The following FCRLB variants were observed in gnomAD, a reference collection of about 807,000 sequenced individuals.
The protein encoded by FCRLB is Fc receptor like B, also known as Fc receptor-like B.
FCRLB carries 34 observed loss-of-function variants against 33.6 expected under a neutral mutation model. That is an observed-to-expected ratio of 1.01 (90% CI 0.77 to 1.35). FCRLB has a LOEUF of 1.35. FCRLB is among the 40% of genes most tolerant of loss of function. FCRLB has a pLI of 0.00. For missense variants in FCRLB, 560 were observed against 580.2 expected (o/e 0.97, Z 0.36); for synonymous variants, 280 against 255.9 (o/e 1.09, Z -0.90).
Position 161,724,987 on chromosome 1 carries a change from T to C in FCRLB, c.308-834T>C, listed in dbSNP as rs561231572. 6.7e-4 allele frequency among the ~76,000 whole-genome samples: 102 copies of C among 152,198 alleles called. 4 individuals are homozygous for C. The South Asian group carries it at 0.021, about 31-fold the overall frequency. On this transcript the variant is annotated intron_variant, in intron 5 of 7. Coordinates refer to ENST00000367948, the Ensembl canonical transcript of FCRLB. The stretch of plus-strand genomic sequence containing the variant: ...TCTTCTTGGCTGAGGAAATAGCAGG[T>C]ACAAAAGCCTCGGGCTCAGAGCAGG...
At chr1:161,727,751 C>T in exon 8 of FCRLB, 1 of 1,438,062 alleles carries the variant, frequency 7.0e-7, no homozygotes, top group Non-Finnish European at 9.2e-7. Context: ...CATCTGTTTG[C>T]ATCCTTGTGT....
At chr1:161,727,157 ATCCCCGCCC>A in intron 7 of FCRLB, 81 bp from the exon 8 acceptor site, 1 of 1,002,422 alleles carries the variant, frequency 1.0e-6, no homozygotes, top group Non-Finnish European at 1.3e-6. Context: ...GGCCTTCCCC[ATCCCCGCCC>A]ACCGCCCTAC....
chr1:161,727,517 A>G, exon 8 of FCRLB: 1 of 1,614,078 alleles, frequency 6.2e-7, no homozygotes, highest in African/African-American at 1.3e-5. Context: ...CGAGAAATGC[A>G]GCTGCTCAAA....
intron 3 of FCRLB, 48 bp from the exon 4 acceptor site, chr1:161,722,941 C>A: frequency 6.2e-7 from 1 of 1,611,442 alleles, no homozygotes; most frequent in Non-Finnish European, 8.5e-7. Context: ...CTCCTCTCAT[C>A]GCCAATATTC....
intron 7 of FCRLB, 38 bp from the exon 8 acceptor site, chr1:161,727,209 A>C (rs201634746): frequency 1.3e-5 from 20 of 1,535,218 alleles, no homozygotes; most frequent in South Asian, 9.8e-5. Flanking sequence ...GAGAAGAACC[A>C]TGCAAGCCGC....
In FCRLB at chr1:161,726,538, C is replaced by T. The variant is rs1324222456; in HGVS notation, c.575-165C>T. Reference sequence around the variant, plus strand: ...GTCCCTCGTGGACTCGGTCCCCCTGCCCCACATTTCAGAAGGCTCCCCTTC... The same window carrying T: ...GTCCCTCGTGGACTCGGTCCCCCTGTCCCACATTTCAGAAGGCTCCCCTTC... On this transcript the variant is annotated intron_variant, in intron 6 of 7. Transcript: ENST00000367948. The surrounding 1 kb of genome is among the most constrained non-coding windows in gnomAD (Gnocchi z 5.2). 2.0e-6 allele frequency: 2 copies of T among 1,002,290 alleles called. No homozygotes were observed. Among genetic ancestry groups the T allele is most frequent in the Non-Finnish European group, 3.0e-6 (2 of 659,862 alleles). 62.1% of individuals were successfully genotyped at this position (1,002,290 alleles called of 1,614,324 possible).
rs777140295 is a variant in FCRLB at position 161,726,785 on chromosome 1, C to T, written c.657C>T (p.Cys219=). The stretch of plus-strand genomic sequence containing the variant: ...CGCTGGGTGGGGTGGTGCTGCGCTG[C>T]GACACGCGCCTGCACCCGCAGAAGC... The change falls in exon 7 of 8, where the codon TGC becomes TGT. Residue 219 remains cysteine (C), a synonymous_variant. Transcript: ENST00000367948. The surrounding 1 kb of genome is among the most constrained non-coding windows in gnomAD (Gnocchi z 5.2). The T allele has an allele frequency of 6.4e-7, 1 of 1,569,150 alleles. No individual in the cohort carries two copies.
intron 2 of FCRLB, 65 bp from the exon 3 acceptor site, chr1:161,722,588 T>A (rs1683405201): frequency 1.3e-6 from 2 of 1,487,880 alleles, no homozygotes; most frequent in Non-Finnish European, 1.9e-6. Flanking sequence ...CTCAGTGGCA[T>A]CCACTGGCCA....
intron 2 of FCRLB, among the ~76,000 whole-genome samples, chr1:161,722,238 A>G (rs1406043460): frequency 6.6e-6 from 1 of 152,176 alleles, no homozygotes; most frequent in Non-Finnish European, 1.5e-5. Context: ...CCTTAAGGAC[A>G]TGAGGCCGTG....
Position 161,726,266 on chromosome 1 carries a change from G to C in FCRLB, c.574+179G>C. On this transcript the variant is annotated intron_variant, in intron 6 of 7. Coordinates refer to ENST00000367948, the Ensembl canonical transcript of FCRLB. The surrounding 1 kb of genome is among the most constrained non-coding windows in gnomAD (Gnocchi z 5.2). ...TGAAGCAGCGCTTGATCCGCCGCCT[G>C]CTTGGAGGCTGGTCCCTTTCCCCGA... The C allele has an allele frequency of 9.1e-7, 1 of 1,095,954 alleles. No individual in the cohort carries two copies. The highest frequency in any genetic ancestry group is 1.3e-6 in the Non-Finnish European group (1 of 744,382). The allele number at this position is 1,095,954 out of a possible 1,614,324, so 67.9% of individuals were successfully genotyped here. A position where few individuals can be genotyped will look rare whatever the true frequency, so the allele number is the denominator to read the frequency against.
chr1:161,723,136 C>A, intron 4 of FCRLB, 127 bp downstream of exon 4: 2 of 1,286,742 alleles, frequency 1.6e-6, no homozygotes, highest in African/African-American at 1.5e-5. Context: ...CTCTCGTCAA[C>A]CCCTGGGACT....
intron 3 of FCRLB, 48 bp downstream of exon 3, chr1:161,722,751 G>A (rs768490919): frequency 5.6e-6 from 9 of 1,610,348 alleles, no homozygotes; most frequent in Non-Finnish European, 7.6e-6. Flanking sequence ...GTGGAGAATA[G>A]GGTGGACCAA....
At chr1:161,724,057 C>T (rs1227023128) in intron 5 of FCRLB, among the ~76,000 whole-genome samples, 1 of 152,122 alleles carries the variant, frequency 6.6e-6, no homozygotes, top group Non-Finnish European at 1.5e-5. Context: ...TTCTCTGTGC[C>T]TCAGTGTCCA....
intron 4 of FCRLB, 148 bp downstream of exon 4, chr1:161,723,157 G>A (rs1683428834): frequency 6.6e-6 from 8 of 1,203,902 alleles, no homozygotes; most frequent in Non-Finnish European, 8.3e-6. Flanking sequence ...AAATTTGCTT[G>A]AAGGCATTTA....
chr1:161,723,679 C>T, intron 5 of FCRLB, 58 bp downstream of exon 5: 1 of 1,576,328 alleles, frequency 6.3e-7, no homozygotes, highest in South Asian at 1.2e-5. Context: ...CAATACTAGT[C>T]CTCTGGTGGG....
At position 161,726,186 on chromosome 1, in the gene FCRLB, C is replaced by T; in HGVS notation, c.574+99C>T. On this transcript the variant is annotated intron_variant, in intron 6 of 7. Coordinates refer to ENST00000367948, the Ensembl canonical transcript of FCRLB. This position sits in a 1 kb window ranked among gnomAD's most constrained non-coding sequence, Gnocchi z 5.2. ...AAAGAAGGGGCGGAAGTTCAAATAG[C>T]TGCCACTTGGAGGGTTTCTCTTAGA... 6.3e-7 allele frequency: 1 copy of T among 1,577,768 alleles called. No homozygotes were observed. Among genetic ancestry groups the T allele is most frequent in the Non-Finnish European group, 8.7e-7 (1 of 1,154,956 alleles).
At chr1:161,727,067 T>C (rs1301638573) in intron 7 of FCRLB, 74 bp downstream of exon 7, 3 of 1,398,236 alleles carry the variant, frequency 2.1e-6, no homozygotes, top group Non-Finnish European at 2.8e-6. Flanking sequence ...CACCCACGAA[T>C]CACCCCCGCC....
rs569376474 is a variant in FCRLB at position 161,723,033 on chromosome 1, C to A, written c.52+24C>A. ...TGGTGAGTCTTATAAATTTCTCATC[C>A]CAATTTTCTACAGCTTCCACTCCAA... On this transcript the variant is annotated intron_variant, in intron 4 of 7. Transcript: ENST00000367948. 3.3e-5 allele frequency: 53 copies of A among 1,613,774 alleles called. 1 individual carries two copies. The South Asian group carries it at 5.5e-4, about 17-fold the overall frequency.
At position 161,726,810 on chromosome 1, in the gene FCRLB, C is replaced by T; in HGVS notation, c.682C>T (p.Arg228Cys). The change falls in exon 7 of 8, where the codon CGC (arginine) becomes TGC (cysteine). Residue 228 changes from arginine (R) to cysteine (C), a missense_variant. By Grantham distance (180) the Arg-to-Cys change is radical. Transcript: ENST00000367948. This position sits in a 1 kb window ranked among gnomAD's most constrained non-coding sequence, Gnocchi z 5.2. ...CGACACGCGCCTGCACCCGCAGAAG[C>T]GCGACACGCCGCTGCAGTTCGCGTT... 1 of 1,561,402 alleles carries T rather than the reference C, an allele frequency of 6.4e-7. No homozygotes were observed. The highest frequency in any genetic ancestry group is 1.2e-5 in the South Asian group (1 of 84,826).
Sources: allele counts gnomAD v4.1 joint callset (sites outside exome capture counted in the v4.1 genomes callset), GRCh38; gene constraint gnomAD v4.1.1; non-coding constraint Gnocchi (gnomAD v3.1); transcripts MANE v1.5; gene names NCBI Gene and HGNC (gene_info 2026-07-23, HGNC 2026-07-21).